ASNS: variants seen among roughly 807,000 people sequenced by gnomAD.
ASNS encodes asparagine synthetase (glutamine-hydrolyzing), also known as asparagine synthetase [glutamine-hydrolyzing].
A neutral mutation model predicts 62.6 loss-of-function variants in ASNS; 37 were observed. The observed-to-expected ratio is 0.59, with a 90% CI of 0.45 to 0.78. The LOEUF (loss-of-function observed/expected upper bound fraction) is 0.78. ASNS is among the 30% of genes least tolerant of loss of function. The pLI, the probability that ASNS is intolerant of heterozygous loss-of-function variation, is 0.00. For missense variants in ASNS, 520 were observed against 682.4 expected (o/e 0.76, Z 2.65); for synonymous variants, 207 against 237.9 (o/e 0.87, Z 1.19).
At chr7:97,861,814 T>C (rs1284004098) in intron 4 of ASNS, among the ~76,000 whole-genome samples, 1 of 152,218 alleles carries the variant, frequency 6.6e-6, no homozygotes, top group African/African-American at 2.4e-5. Flanking sequence ...ACTTTTCCAT[T>C]TATTTAGATC....
chr7:97,862,809 G>T (rs893822212), intron 4 of ASNS, among the ~76,000 whole-genome samples: 1 of 151,196 alleles, frequency 6.6e-6, no homozygotes, highest in East Asian at 2.0e-4. Flanking sequence ...AAAATAAAAT[G>T]ATCCCTAACA....
At chr7:97,898,356 A>C in the ASNS span, 1 of 518,926 alleles carries the variant, frequency 1.9e-6, no homozygotes, top group South Asian at 1.6e-5. Context: ...AGATTCTTGG[A>C]CTGGTGGTTC....
the ASNS span, chr7:97,898,825 G>A: frequency 1.3e-6 from 1 of 761,348 alleles, no homozygotes; most frequent in Non-Finnish European, 2.4e-6. Context: ...TGCCATAGAA[G>A]TTAGTCAGGC....
the ASNS span, among the ~76,000 whole-genome samples, chr7:97,900,359 T>TAAAAAAAAAA: frequency 3.4e-5 from 2 of 58,364 alleles, no homozygotes; most frequent in Non-Finnish European, 2.9e-5. Flanking sequence ...AGACTTTGTC[T>TAAAAAAAAAA]CAAAAAAAAA....
At chr7:97,892,124 C>T in the ASNS span, among the ~76,000 whole-genome samples, 30 of 152,244 alleles carry the variant, frequency 2.0e-4, 1 homozygote, top group Non-Finnish European at 2.4e-4. Flanking sequence ...TTTTTGACTT[C>T]TGTGCACCCA....
the ASNS span, among the ~76,000 whole-genome samples, chr7:97,915,578 G>C: frequency 6.6e-6 from 1 of 152,176 alleles, no homozygotes; most frequent in East Asian, 1.9e-4. Flanking sequence ...CCACAGAGAG[G>C]CACCTGGTGT....
chr7:97,922,440 G>C, the ASNS span, among the ~76,000 whole-genome samples: 3 of 152,290 alleles, frequency 2.0e-5, no homozygotes, highest in East Asian at 5.8e-4. Flanking sequence ...GCCAGGGTGG[G>C]GAAGTGGGCA....
At position 97,864,480 on chromosome 7, in the gene ASNS, T is replaced by G. The variant is rs1205679230; in HGVS notation, c.266A>C (p.Glu89Ala). 1.9e-6 allele frequency: 3 copies of G among 1,613,732 alleles called. No homozygotes were observed. Among genetic ancestry groups the G allele is most frequent in the Non-Finnish European group, 2.5e-6 (3 of 1,179,750 alleles). ...ATCCACTTTGGTCTGGTATTCAAAT[T>G]CAAAATGCTGTTGCATCTTAGGAAG... ...YNHKKMQQHF[E>A]FEYQTKVDGE... Residue 89 changes from glutamate to alanine, a missense_variant, in exon 4 of 13, where the codon GAA (glutamate) becomes GCA (alanine). Coordinates refer to ENST00000394308, the MANE Select transcript of ASNS (RefSeq NM_001673.5).
At chr7:97,868,256 C>T (rs569839182) in intron 3 of ASNS, among the ~76,000 whole-genome samples, 2 of 152,094 alleles carry the variant, frequency 1.3e-5, no homozygotes, top group Admixed American at 6.5e-5. Flanking sequence ...TGCAGTAAGC[C>T]GAGATCGCAC....
At chr7:97,856,875 C>A in intron 7 of ASNS, 59 bp from the exon 8 acceptor site, 1 of 1,483,744 alleles carries the variant, frequency 6.7e-7, no homozygotes, top group South Asian at 1.2e-5. Context: ...CCTTGAAAAT[C>A]AAACATGATG....
intron 4 of ASNS, among the ~76,000 whole-genome samples, chr7:97,860,462 G>C (rs1193929743): frequency 7.9e-5 from 12 of 152,168 alleles, no homozygotes; most frequent in Non-Finnish European, 1.8e-4. Context: ...TCTTTACCAG[G>C]CTTTCCCAGC....
At chr7:97,927,399 G>A in the ASNS span, among the ~76,000 whole-genome samples, 1 of 152,246 alleles carries the variant, frequency 6.6e-6, no homozygotes, top group Non-Finnish European at 1.5e-5. Flanking sequence ...AGGCAATGGG[G>A]CCTGTTGACA....
chr7:97,864,811 A>C (rs1791889786), intron 3 of ASNS, among the ~76,000 whole-genome samples: 1 of 152,176 alleles, frequency 6.6e-6, no homozygotes, highest in Admixed American at 6.5e-5. Context: ...TAATACATAC[A>C]TATATTTATA....
At chr7:97,928,255 C>T in the ASNS span, 2 of 1,526,204 alleles carry the variant, frequency 1.3e-6, no homozygotes, top group Admixed American at 2.0e-5. Context: ...CCATCCCTGC[C>T]TCGGGGCTTG....
the ASNS span, among the ~76,000 whole-genome samples, chr7:97,890,542 TA>T: frequency 2.6e-5 from 4 of 151,756 alleles, no homozygotes; most frequent in Non-Finnish European, 5.9e-5. Context: ...AAAATAAAAA[TA>T]AAAAAATGTA....
chr7:97,870,326 G>C, intron 1 of ASNS: 1 of 440,002 alleles, frequency 2.3e-6, no homozygotes, highest in Non-Finnish European at 4.0e-6. Context: ...TCTCTAACTT[G>C]AAAAATAACT....
the ASNS span, among the ~76,000 whole-genome samples, chr7:97,907,220 C>G: frequency 6.6e-6 from 1 of 152,154 alleles, no homozygotes; most frequent in African/African-American, 2.4e-5. Context: ...CCCTGCTAAC[C>G]CCAAATATTA....
the ASNS span, among the ~76,000 whole-genome samples, chr7:97,920,644 T>A: frequency 6.6e-6 from 1 of 152,178 alleles, no homozygotes; most frequent in Non-Finnish European, 1.5e-5. Flanking sequence ...GCCCTGGGGA[T>A]CTGTGCTGGC....
chr7:97,893,157 G>A, the ASNS span, among the ~76,000 whole-genome samples: 8 of 152,302 alleles, frequency 5.3e-5, no homozygotes, highest in South Asian at 1.7e-3. Context: ...GCTTGAGCAG[G>A]GAAACTCCTC....
Sources: gnomAD v4.1 joint callset for allele counts (sites outside exome capture counted in the v4.1 genomes callset) on GRCh38, gnomAD v4.1.1 for gene constraint, MANE v1.5 for transcripts, NCBI Gene and HGNC (gene_info 2026-07-23, HGNC 2026-07-21) for gene names.